Variants in RAB6B observed in about 807,000 individuals in gnomAD.
The protein encoded by RAB6B is ras-related protein Rab-6B.
Under a neutral mutation model 31.2 loss-of-function variants are expected in RAB6B, and 7 were observed. That is an observed-to-expected ratio of 0.22 (90% CI 0.13 to 0.42). The LOEUF is 0.42. RAB6B is among the 10% of genes least tolerant of loss of function. The pLI is 1.00. For missense variants in RAB6B, 149 were observed against 280.6 expected (o/e 0.53, Z 3.35); for synonymous variants, 105 against 104.9 (o/e 1.00, Z -0.01).
chr3:133,895,257 A>C, intron 1 of RAB6B, 140 bp downstream of exon 1: 5 of 529,608 alleles, frequency 9.4e-6, no homozygotes, highest in Non-Finnish European at 1.2e-5. Flanking sequence ...CCCCGCCCCG[A>C]CCTCCCCATC....
intron 2 of RAB6B, among the ~76,000 whole-genome samples, chr3:133,853,474 C>T (rs948267571): frequency 2.6e-5 from 4 of 151,204 alleles, no homozygotes; most frequent in Non-Finnish European, 5.9e-5. Flanking sequence ...TGTCTGCCGG[C>T]AAATCTAGAA....
intron 1 of RAB6B, among the ~76,000 whole-genome samples, chr3:133,882,835 G>C (rs1183105902): frequency 6.6e-6 from 1 of 152,210 alleles, no homozygotes; most frequent in Non-Finnish European, 1.5e-5. Flanking sequence ...AGATGGGTGA[G>C]AGTCAGGGTC....
chr3:133,839,775 G>A (rs115106219), intron 4 of RAB6B, among the ~76,000 whole-genome samples, 158 bp from the exon 5 acceptor site: 1,661 of 152,314 alleles, frequency 0.011, 29 homozygotes, highest in African/African-American at 0.038. Context: ...CAGCTGGGTA[G>A]GGCCTTTCAG....
chr3:133,877,454 A>G (rs1473056167), intron 1 of RAB6B, among the ~76,000 whole-genome samples: 1 of 152,162 alleles, frequency 6.6e-6, no homozygotes, highest in Non-Finnish European at 1.5e-5. Context: ...TGCTGGGGAG[A>G]GTCCTCAGAA....
chr3:133,841,343 G>A lies in RAB6B; in HGVS notation c.231C>T (p.Ser77=). Residue 77 remains serine, a synonymous_variant, in exon 4 of 8, where the codon AGC becomes AGT. Coordinates refer to ENST00000285208, the MANE Select transcript of RAB6B (RefSeq NM_016577.4). ...AGTCCCGGATGTAGCTGGGGATCAG[G>A]CTGCGGAACCTCTCCTGACCAGCTG... is the stretch of plus-strand genomic sequence containing the variant. The part of the protein sequence containing the change: ...WDTAGQERFR[S]LIPSYIRDST... 6.2e-7 allele frequency: 1 copy of A among 1,614,128 alleles called. No homozygotes were observed.
Position 133,828,859 on chromosome 3 carries a change from G to T in RAB6B, c.563-7C>A, listed in dbSNP as rs1308537068. 2 of 1,609,226 alleles carry T rather than the reference G, an allele frequency of 1.2e-6. No individual in the cohort carries two copies. Among genetic ancestry groups the T allele is most frequent in the African/African-American group, 2.7e-5 (2 of 74,772 alleles). ...TCCAGCTTGATGTCGATCACTGCAGGGGGACGGGCTAAGGAAGATGACTCT... is the reference window on the plus strand; with the variant it reads ...TCCAGCTTGATGTCGATCACTGCAGTGGGACGGGCTAAGGAAGATGACTCT... On this transcript the variant is annotated splice_region_variant and splice_polypyrimidine_tract_variant and intron_variant, in intron 7 of 7. Coordinates refer to ENST00000285208, the MANE Select transcript of RAB6B (RefSeq NM_016577.4).
At chr3:133,889,300 T>C (rs1048176064) in intron 1 of RAB6B, among the ~76,000 whole-genome samples, 1 of 150,898 alleles carries the variant, frequency 6.6e-6, no homozygotes, top group African/African-American at 2.4e-5. Context: ...TCTGCAAAGT[T>C]TGCAATGTCG....
chr3:133,839,573 T>G lies in RAB6B; in HGVS notation c.334A>C (p.Arg112=). 6.2e-7 allele frequency: 1 copy of G among 1,614,214 alleles called. No homozygotes were observed. Among genetic ancestry groups the G allele is most frequent in the Non-Finnish European group, 8.5e-7 (1 of 1,180,012 alleles). The change falls in exon 5 of 8, where the codon AGG becomes CGG. Residue 112 remains arginine, a synonymous_variant. Coordinates refer to ENST00000285208, the MANE Select transcript of RAB6B (RefSeq NM_016577.4). ...QQTSKWIDDV[R]TERGSDVIIM... ...ATAACATCACTGCCCCTCTCTGTCC[T>G]GACGTCGTCGATCCACTTAGAGGTC...
intron 2 of RAB6B, among the ~76,000 whole-genome samples, chr3:133,864,207 T>C (rs576447860): frequency 1.5e-4 from 23 of 151,522 alleles, no homozygotes; most frequent in Non-Finnish European, 3.2e-4. Flanking sequence ...CCAGCAAACA[T>C]AACCATTACA....
chr3:133,866,721 C>T (rs1229111139), intron 1 of RAB6B, among the ~76,000 whole-genome samples: 4 of 152,260 alleles, frequency 2.6e-5, no homozygotes, highest in Non-Finnish European at 4.4e-5. Context: ...CATGAGGCCC[C>T]AGGCACCTGG....
intron 1 of RAB6B, among the ~76,000 whole-genome samples, chr3:133,889,911 T>C (rs1936614296): frequency 6.6e-6 from 1 of 152,192 alleles, no homozygotes. Flanking sequence ...CATCATCAGA[T>C]TAAAGGTGCC....
intron 1 of RAB6B, among the ~76,000 whole-genome samples, chr3:133,888,584 C>A (rs980849548): frequency 6.6e-6 from 1 of 152,138 alleles, no homozygotes; most frequent in Non-Finnish European, 1.5e-5. Flanking sequence ...CTCCCTCTGG[C>A]CTTGTTACCA....
chr3:133,845,737 C>A (rs898894179), intron 2 of RAB6B, among the ~76,000 whole-genome samples: 77 of 151,418 alleles, frequency 5.1e-4, no homozygotes, highest in African/African-American at 1.6e-3. Flanking sequence ...GTCCACTGTA[C>A]AATAAAAAAG....
chr3:133,846,409 T>C (rs762701802), intron 2 of RAB6B, among the ~76,000 whole-genome samples: 2 of 152,174 alleles, frequency 1.3e-5, no homozygotes, highest in Non-Finnish European at 2.9e-5. Flanking sequence ...ATCGCACCAC[T>C]GCACTCCAGC....
At chr3:133,830,032 C>T (rs1418759399) in intron 7 of RAB6B, among the ~76,000 whole-genome samples, 1 of 152,208 alleles carries the variant, frequency 6.6e-6, no homozygotes, top group Non-Finnish European at 1.5e-5. Context: ...GCCTTCCTTC[C>T]CACTGCCCAC....
chr3:133,895,298 G>A (rs1031517989), intron 1 of RAB6B, 99 bp downstream of exon 1: 5 of 1,310,434 alleles, frequency 3.8e-6, no homozygotes, highest in Non-Finnish European at 5.4e-6. Context: ...TGGCAAGGAG[G>A]GGCCTTTCCG....
chr3:133,885,755 C>T (rs1435299471), intron 1 of RAB6B: 10 of 613,844 alleles, frequency 1.6e-5, no homozygotes, highest in Non-Finnish European at 2.6e-5. Context: ...GACAATAGTC[C>T]CTCCCCTACA....
chr3:133,861,877 G>A (rs1405035243), intron 2 of RAB6B, among the ~76,000 whole-genome samples: 1 of 152,150 alleles, frequency 6.6e-6, no homozygotes, highest in Non-Finnish European at 1.5e-5. Flanking sequence ...GGGTGGTGGG[G>A]AGTGATTGCT....
At chr3:133,830,321 A>C (rs967406886) in intron 7 of RAB6B, among the ~76,000 whole-genome samples, 2 of 152,176 alleles carry the variant, frequency 1.3e-5, no homozygotes, top group African/African-American at 4.8e-5. Flanking sequence ...ATCATGTCAC[A>C]CTCTGCTACA....
Sources: gnomAD v4.1 joint callset for allele counts (sites outside exome capture counted in the v4.1 genomes callset) on GRCh38, gnomAD v4.1.1 for gene constraint, MANE v1.5 for transcripts, NCBI Gene and HGNC (gene_info 2026-07-23, HGNC 2026-07-21) for gene names.